CTNNA3: variants seen among roughly 807,000 people sequenced by gnomAD.
The protein encoded by CTNNA3 is catenin alpha-3.
Under a neutral mutation model 95.7 loss-of-function variants are expected in CTNNA3, and 76 were observed. The ratio of observed to expected loss-of-function variants is 0.79; its 90% CI spans 0.66 to 0.96. CTNNA3 has a LOEUF of 0.96. CTNNA3 is among the 40% of genes least tolerant of loss of function. The pLI, the probability that CTNNA3 is intolerant of heterozygous loss-of-function variation, is 0.00. For missense variants in CTNNA3, 1,191 were observed against 1,089.8 expected (o/e 1.09, Z -1.31); for synonymous variants, 431 against 374.4 (o/e 1.15, Z -1.74).
intron 1 of CTNNA3, among the ~76,000 whole-genome samples, chr10:67,760,740 C>T (rs1475599093): frequency 6.6e-6 from 1 of 152,056 alleles, no homozygotes; most frequent in Non-Finnish European, 1.5e-5. Context: ...CTCATAGGAG[C>T]ATGAACCCTA....
chr10:66,496,720 A>G (rs1439617802), intron 11 of CTNNA3, among the ~76,000 whole-genome samples: 3 of 152,214 alleles, frequency 2.0e-5, no homozygotes, highest in Admixed American at 6.5e-5. Flanking sequence ...AAGGAAATCA[A>G]TTTAACGACC....
At chr10:67,406,790 C>T (rs1034916242) in intron 5 of CTNNA3, among the ~76,000 whole-genome samples, 21 of 152,106 alleles carry the variant, frequency 1.4e-4, no homozygotes, top group South Asian at 2.1e-4. Context: ...GTTATGAACA[C>T]CTCTATGCAC....
chr10:67,489,355 C>T (rs1478768341), intron 5 of CTNNA3, among the ~76,000 whole-genome samples: 1 of 152,164 alleles, frequency 6.6e-6, no homozygotes, highest in Admixed American at 6.5e-5. Flanking sequence ...CCCAAGCCAC[C>T]TCTGCACCAC....
chr10:66,248,541 T>TA (rs921305559), intron 13 of CTNNA3, among the ~76,000 whole-genome samples: 1 of 150,724 alleles, frequency 6.6e-6, no homozygotes, highest in Non-Finnish European at 1.5e-5. Context: ...AAATAAGAAA[T>TA]AAAAAAAGAT....
intron 16 of CTNNA3, among the ~76,000 whole-genome samples, chr10:65,975,188 T>G (rs995889458): frequency 6.6e-6 from 1 of 152,088 alleles, no homozygotes. Flanking sequence ...ATACTATCAA[T>G]CTGCAAGATA....
chr10:67,125,120 G>T (rs983435305), intron 7 of CTNNA3, among the ~76,000 whole-genome samples: 1 of 152,134 alleles, frequency 6.6e-6, no homozygotes, highest in Non-Finnish European at 1.5e-5. Flanking sequence ...TCACAAACTA[G>T]AATAGAAATA....
At chr10:67,444,975 G>A (rs1437993572) in intron 5 of CTNNA3, among the ~76,000 whole-genome samples, 1 of 151,570 alleles carries the variant, frequency 6.6e-6, no homozygotes, top group African/African-American at 2.4e-5. Flanking sequence ...ATTTAAAGAA[G>A]AACTAATTAC....
chr10:67,343,404 A>C (rs1317133810), intron 5 of CTNNA3, among the ~76,000 whole-genome samples: 1 of 152,068 alleles, frequency 6.6e-6, no homozygotes, highest in Admixed American at 6.6e-5. Flanking sequence ...ATATCTTTCC[A>C]TTTTTTGGTG....
chr10:66,944,022 G>A (rs1409685885), intron 7 of CTNNA3, among the ~76,000 whole-genome samples: 2 of 152,112 alleles, frequency 1.3e-5, no homozygotes, highest in African/African-American at 2.4e-5. Context: ...AAAAGTTGAG[G>A]TGACTGTGGC....
intron 12 of CTNNA3, among the ~76,000 whole-genome samples, chr10:66,377,886 C>T (rs1208410820): frequency 3.3e-5 from 5 of 152,120 alleles, no homozygotes; most frequent in South Asian, 2.1e-4. Context: ...CTATTGATAC[C>T]GGTGACTTTG....
intron 14 of CTNNA3, among the ~76,000 whole-genome samples, chr10:66,101,478 T>C (rs1287477927): frequency 2.6e-4 from 40 of 152,322 alleles, no homozygotes; most frequent in Admixed American, 2.4e-3. Flanking sequence ...TCTTGGCTGA[T>C]ATATATTATT....
At chr10:66,262,540 A>T (rs1434863843) in intron 13 of CTNNA3, among the ~76,000 whole-genome samples, 1 of 152,018 alleles carries the variant, frequency 6.6e-6, no homozygotes, top group East Asian at 1.9e-4. Flanking sequence ...TTGTAAAATT[A>T]TAAAAATCAA....
At chr10:67,726,764 GAC>G (rs1464181227) in intron 1 of CTNNA3, among the ~76,000 whole-genome samples, 2 of 1,940 alleles carry the variant, frequency 1.0e-3, no homozygotes, top group African/African-American at 5.2e-3. Flanking sequence ...CATAGAATAT[GAC>G]ACATATATCA....
At chr10:65,972,007 A>G (rs2133273791) in intron 16 of CTNNA3, among the ~76,000 whole-genome samples, 1 of 152,304 alleles carries the variant, frequency 6.6e-6, no homozygotes, top group East Asian at 1.9e-4. Flanking sequence ...GGTTTAATAT[A>G]GACAAATCAA....
intron 7 of CTNNA3, among the ~76,000 whole-genome samples, chr10:67,035,806 A>G (rs1854011809): frequency 7.2e-6 from 1 of 139,684 alleles, no homozygotes; most frequent in South Asian, 2.3e-4. Context: ...TTAAAAAAAA[A>G]TCCATAGCTG....
chr10:65,961,546 C>T (rs1179252041), intron 17 of CTNNA3, among the ~76,000 whole-genome samples: 1 of 152,016 alleles, frequency 6.6e-6, no homozygotes, highest in East Asian at 1.9e-4. Flanking sequence ...GATATGTGTA[C>T]TGCTGTGATT....
intron 11 of CTNNA3, among the ~76,000 whole-genome samples, chr10:66,432,887 G>T (rs763741047): frequency 6.6e-6 from 1 of 152,090 alleles, no homozygotes; most frequent in Non-Finnish European, 1.5e-5. Context: ...TTATTAGTGA[G>T]AACATAGGGT....
chr10:66,291,322 A>C (rs1163766725), intron 12 of CTNNA3, among the ~76,000 whole-genome samples: 2 of 152,174 alleles, frequency 1.3e-5, no homozygotes, highest in Non-Finnish European at 2.9e-5. Context: ...CATGCATCAG[A>C]ATCACCAGAA....
intron 13 of CTNNA3, among the ~76,000 whole-genome samples, chr10:66,117,931 C>T (rs867701188): frequency 3.9e-5 from 6 of 152,122 alleles, no homozygotes; most frequent in Admixed American, 2.0e-4. Flanking sequence ...TGGCCCTGCC[C>T]GCCTTCTAAA....
Sources: allele counts gnomAD v4.1 joint callset (sites outside exome capture counted in the v4.1 genomes callset), GRCh38; gene constraint gnomAD v4.1.1; transcripts MANE v1.5; gene names NCBI Gene and HGNC (gene_info 2026-07-23, HGNC 2026-07-21).